ADAMTSL1: variants seen among roughly 807,000 people sequenced by gnomAD.
The protein encoded by ADAMTSL1 is ADAMTS like 1, also known as ADAMTS-like protein 1.
Under a neutral mutation model 201.8 loss-of-function variants are expected in ADAMTSL1, and 126 were observed. The ratio of observed to expected loss-of-function variants is 0.62; its 90% CI spans 0.54 to 0.72. ADAMTSL1 has a LOEUF of 0.72. Ranked by LOEUF, ADAMTSL1 falls within the 30% of genes least tolerant of loss-of-function variation. The pLI is 0.00. For synonymous variants in ADAMTSL1, 1,121 were observed against 903.4 expected, an observed-to-expected ratio of 1.24 and a Z score of -4.32; for missense variants, 2,679 against 2,277.8, an observed-to-expected ratio of 1.18 and a Z score of -3.59.
intron 2 of ADAMTSL1, among the ~76,000 whole-genome samples, chr9:18,520,917 G>T (rs1818652130): frequency 6.6e-6 from 1 of 152,108 alleles, no homozygotes; most frequent in African/African-American, 2.4e-5. Flanking sequence ...TGGGATTCAG[G>T]GACCTTTCAT....
intron 2 of ADAMTSL1, among the ~76,000 whole-genome samples, chr9:18,414,262 C>T (rs1818575906): frequency 6.6e-6 from 1 of 152,182 alleles, no homozygotes; most frequent in African/African-American, 2.4e-5. Context: ...CATTTAGCAA[C>T]ATCTGGAACG....
intron 1 of ADAMTSL1, among the ~76,000 whole-genome samples, chr9:18,088,012 A>G (rs1823843535): frequency 6.6e-6 from 1 of 152,114 alleles, no homozygotes; most frequent in Non-Finnish European, 1.5e-5. Flanking sequence ...GATATATTAC[A>G]AAGCTATAGT....
chr9:17,920,522 A>G (rs957487407), intron 1 of ADAMTSL1, among the ~76,000 whole-genome samples: 1 of 152,200 alleles, frequency 6.6e-6, no homozygotes, highest in African/African-American at 2.4e-5. Context: ...GGTTGAAAAT[A>G]GTTTTCTCCC....
At chr9:18,827,162 TAAA>T (rs5896812) in intron 22 of ADAMTSL1, among the ~76,000 whole-genome samples, 1 of 143,044 alleles carries the variant, frequency 7.0e-6, no homozygotes, top group South Asian at 2.3e-4. Flanking sequence ...GAGATAAAGT[TAAA>T]AAAAAAAAAA....
intron 2 of ADAMTSL1, among the ~76,000 whole-genome samples, chr9:18,226,253 C>T (rs78096985): frequency 0.022 from 3,351 of 152,178 alleles, 118 homozygotes; most frequent in African/African-American, 0.076. Flanking sequence ...ATCTTGGAAA[C>T]GTACTTATAC....
At chr9:18,254,163 G>C (rs2132503047) in intron 2 of ADAMTSL1, among the ~76,000 whole-genome samples, 1 of 152,102 alleles carries the variant, frequency 6.6e-6, no homozygotes, top group South Asian at 2.1e-4. Flanking sequence ...TGTAGGATGG[G>C]AGAGCTAATC....
intron 20 of ADAMTSL1, among the ~76,000 whole-genome samples, chr9:18,808,384 G>A (rs907256620): frequency 6.6e-6 from 1 of 152,136 alleles, no homozygotes; most frequent in Non-Finnish European, 1.5e-5. Flanking sequence ...ATAACTTTGT[G>A]CTTTGTCTTA....
intron 3 of ADAMTSL1, among the ~76,000 whole-genome samples, chr9:18,543,929 C>G (rs138640922): frequency 2.0e-3 from 302 of 152,198 alleles, no homozygotes; most frequent in Non-Finnish European, 3.4e-3. Flanking sequence ...CCTCCTTATT[C>G]TCTCTCCTAT....
At chr9:18,801,818 G>A (rs1822823724) in intron 20 of ADAMTSL1, among the ~76,000 whole-genome samples, 1 of 152,116 alleles carries the variant, frequency 6.6e-6, no homozygotes, top group Non-Finnish European at 1.5e-5. Context: ...GAAGAGTGCT[G>A]CAGTGAACAT....
intron 1 of ADAMTSL1, among the ~76,000 whole-genome samples, chr9:18,163,265 G>C (rs143357166): frequency 1.3e-5 from 2 of 151,938 alleles, no homozygotes; most frequent in African/African-American, 4.8e-5. Flanking sequence ...GCTGATAACA[G>C]ACACCTCTTG....
At chr9:17,969,828 A>T (rs1233996167) in intron 1 of ADAMTSL1, among the ~76,000 whole-genome samples, 1 of 152,124 alleles carries the variant, frequency 6.6e-6, no homozygotes, top group African/African-American at 2.4e-5. Flanking sequence ...AAATAATTTT[A>T]TAAAGGTAAC....
chr9:18,144,299 T>C (rs750319546), intron 1 of ADAMTSL1, among the ~76,000 whole-genome samples: 3 of 152,024 alleles, frequency 2.0e-5, no homozygotes, highest in Non-Finnish European at 2.9e-5. Context: ...CTCTGCCTCC[T>C]GGTTCAAGCG....
chr9:18,370,937 A>G (rs1837017304), intron 2 of ADAMTSL1, among the ~76,000 whole-genome samples: 1 of 152,158 alleles, frequency 6.6e-6, no homozygotes, highest in Non-Finnish European at 1.5e-5. Flanking sequence ...GTCATTTTAA[A>G]TTATATTGCC....
chr9:18,101,697 G>C (rs1298496055), intron 1 of ADAMTSL1, among the ~76,000 whole-genome samples: 4 of 152,142 alleles, frequency 2.6e-5, no homozygotes, highest in Admixed American at 6.5e-5. Context: ...GGAGGTGAGA[G>C]ATAAGGCACC....
chr9:18,262,938 C>T (rs1831980519), intron 2 of ADAMTSL1, among the ~76,000 whole-genome samples: 1 of 152,114 alleles, frequency 6.6e-6, no homozygotes, highest in African/African-American at 2.4e-5. Flanking sequence ...ATATAAGTAA[C>T]ATAAACATCT....
chr9:18,623,400 CAG>C (rs1008139000), intron 5 of ADAMTSL1, among the ~76,000 whole-genome samples: 1 of 152,166 alleles, frequency 6.6e-6, no homozygotes, highest in African/African-American at 2.4e-5. Flanking sequence ...GGGACTTGCA[CAG>C]AGTCACACAG....
intron 23 of ADAMTSL1, among the ~76,000 whole-genome samples, chr9:18,861,963 C>T (rs1426109851): frequency 6.6e-6 from 1 of 152,104 alleles, no homozygotes; most frequent in East Asian, 1.9e-4. Flanking sequence ...AGCCTCAAGA[C>T]CCAGGAGACT....
chr9:18,412,348 C>A (rs1397050728), intron 2 of ADAMTSL1, among the ~76,000 whole-genome samples: 1 of 152,130 alleles, frequency 6.6e-6, no homozygotes, highest in Non-Finnish European at 1.5e-5. Flanking sequence ...TGTAAAGTCC[C>A]CCATTGTCAT....
intron 1 of ADAMTSL1, among the ~76,000 whole-genome samples, chr9:18,087,887 A>G (rs1823836985): frequency 6.6e-6 from 1 of 152,138 alleles, no homozygotes; most frequent in African/African-American, 2.4e-5. Flanking sequence ...AATAGAAAGC[A>G]GTTGCCTATC....
Sources: allele counts gnomAD v4.1 joint callset (sites outside exome capture counted in the v4.1 genomes callset), GRCh38; gene constraint gnomAD v4.1.1; transcripts MANE v1.5; gene names NCBI Gene and HGNC (gene_info 2026-07-23, HGNC 2026-07-21).